The following PRKN variants were observed in gnomAD, a reference collection of about 807,000 sequenced individuals.
PRKN encodes the protein E3 ubiquitin-protein ligase parkin.
Under a neutral mutation model 59.5 loss-of-function variants are expected in PRKN, and 56 were observed. The observed-to-expected ratio is 0.94, with a 90% CI of 0.76 to 1.18. The LOEUF (loss-of-function observed/expected upper bound fraction) is 1.18, where lower values mean the gene tolerates loss of function less well. Ranked by LOEUF, PRKN falls within the 50% of genes most tolerant of loss-of-function variation. PRKN has a pLI of 0.00. For missense variants in PRKN, 657 were observed against 596.4 expected, an observed-to-expected ratio of 1.10 and a Z score of -1.06; for synonymous variants, 250 against 222.1, an observed-to-expected ratio of 1.13 and a Z score of -1.12.
chr6:161,439,758 A>T (rs1343625509), intron 9 of PRKN, among the ~76,000 whole-genome samples: 2 of 152,132 alleles, frequency 1.3e-5, no homozygotes, highest in Non-Finnish European at 2.9e-5. Flanking sequence ...TTAATTAAGA[A>T]AACAGATGAT....
At chr6:162,102,916 A>G (rs1365458233) in intron 4 of PRKN, among the ~76,000 whole-genome samples, 2 of 151,620 alleles carry the variant, frequency 1.3e-5, no homozygotes, top group African/African-American at 4.9e-5. Context: ...GGTGGCGGGC[A>G]CCTGTAATCC....
At chr6:161,532,882 T>C (rs1322107851) in intron 9 of PRKN, among the ~76,000 whole-genome samples, 1 of 152,232 alleles carries the variant, frequency 6.6e-6, no homozygotes, top group African/African-American at 2.4e-5. Context: ...CTACAAATCT[T>C]GTCACTTGCG....
At chr6:162,439,353 TCTC>T (rs1418164477) in intron 2 of PRKN, among the ~76,000 whole-genome samples, 1 of 147,110 alleles carries the variant, frequency 6.8e-6, no homozygotes, top group African/African-American at 2.5e-5. Flanking sequence ...TCTCTCTCTC[TCTC>T]TCTCTCTCTG....
At position 161,588,946 on chromosome 6, in the gene PRKN, G is replaced by A. The variant is rs191028308; in HGVS notation, c.872-19530C>T. 2.1e-3 allele frequency among the ~76,000 whole-genome samples: 324 copies of A among 152,144 alleles called. No individual in the cohort carries two copies. Among genetic ancestry groups the A allele is most frequent in the African/African-American group, 7.4e-3 (309 of 41,484 alleles). On this transcript the variant is annotated intron_variant, in intron 7 of 11. Coordinates refer to ENST00000366898, the MANE Select transcript of PRKN (RefSeq NM_004562.3). This position sits in a 1 kb window ranked among gnomAD's most constrained non-coding sequence, Gnocchi z 5.0. ...GTTAACCTGAAATGCAAATGTAACC[G>A]GTATCCTCTAGTTTATCTGGCAGCC...
At chr6:161,383,022 T>C (rs9458240) in intron 10 of PRKN, among the ~76,000 whole-genome samples, 16,257 of 152,164 alleles carry the variant, frequency 0.11, 1,033 homozygotes, top group Middle Eastern at 0.19. Context: ...CTGATGAGGG[T>C]ATTTAGTTAT....
chr6:162,153,181 C>T (rs747236613), intron 4 of PRKN, among the ~76,000 whole-genome samples: 8 of 152,240 alleles, frequency 5.3e-5, no homozygotes, highest in Non-Finnish European at 1.2e-4. Flanking sequence ...CCATGCTAAA[C>T]CCCTCACAGG....
chr6:162,234,072 G>A (rs927764114), intron 3 of PRKN, among the ~76,000 whole-genome samples: 1 of 152,178 alleles, frequency 6.6e-6, no homozygotes, highest in Non-Finnish European at 1.5e-5. Context: ...ATGAGGAAAA[G>A]AAAAAGATGC....
At chr6:162,313,028 G>A (rs1308218977) in intron 2 of PRKN, among the ~76,000 whole-genome samples, 1 of 151,960 alleles carries the variant, frequency 6.6e-6, no homozygotes, top group Non-Finnish European at 1.5e-5. Flanking sequence ...TATGCTCTCA[G>A]GCCAAAGAAA....
chr6:162,650,597 CAAAAAAAA>C (rs142452684), intron 1 of PRKN, among the ~76,000 whole-genome samples: 2 of 95,370 alleles, frequency 2.1e-5, no homozygotes, highest in Admixed American at 1.2e-4. Context: ...GACTCCGTCT[CAAAAAAAA>C]AAAAAAAAAA....
intron 2 of PRKN, among the ~76,000 whole-genome samples, chr6:162,318,374 C>G (rs1373934970): frequency 6.6e-6 from 1 of 151,982 alleles, no homozygotes; most frequent in African/African-American, 2.4e-5. Flanking sequence ...TTTTATTTAT[C>G]CACTTATTCA....
chr6:161,467,570 A>T lies in PRKN; in HGVS notation c.1084-80693T>A, dbSNP rs1283663218. ...GAGAAACATGCAGATTGCTATGGGA[A>T]TGCAGGTTGAGAGGTGCTGAGCCTA... On this transcript the variant is annotated intron_variant, in intron 9 of 11. Coordinates refer to ENST00000366898, the MANE Select transcript of PRKN (RefSeq NM_004562.3). The surrounding 1 kb of genome is among the most constrained non-coding windows in gnomAD (Gnocchi z 4.3). Among the ~76,000 whole-genome samples, 1 of 152,188 alleles carries T rather than the reference A, an allele frequency of 6.6e-6. No individual in the cohort carries two copies. The highest frequency in any genetic ancestry group is 1.5e-5 in the Non-Finnish European group (1 of 68,026).
intron 2 of PRKN, among the ~76,000 whole-genome samples, chr6:162,431,875 G>A (rs1171083027): frequency 3.9e-5 from 6 of 152,116 alleles, no homozygotes; most frequent in Non-Finnish European, 8.8e-5. Flanking sequence ...ATCAGTCCAA[G>A]ACTCCAAAGT....
chr6:161,927,698 T>C (rs1779018237), intron 6 of PRKN, among the ~76,000 whole-genome samples: 1 of 152,078 alleles, frequency 6.6e-6, no homozygotes, highest in East Asian at 1.9e-4. Context: ...TTGCTTGAAC[T>C]TGGGAGGCGG....
chr6:161,705,356 C>G (rs549187648), intron 7 of PRKN, among the ~76,000 whole-genome samples: 1 of 152,220 alleles, frequency 6.6e-6, no homozygotes, highest in Non-Finnish European at 1.5e-5. Context: ...TTTATAATAA[C>G]GTGTTGATTA....
chr6:162,349,402 G>A (rs1784533379), intron 2 of PRKN, among the ~76,000 whole-genome samples: 2 of 152,160 alleles, frequency 1.3e-5, no homozygotes, highest in Admixed American at 6.5e-5. Context: ...AGGAAGCAGA[G>A]GTTGCAGTGA....
intron 2 of PRKN, among the ~76,000 whole-genome samples, chr6:162,422,731 G>A (rs1024648383): frequency 6.6e-6 from 1 of 152,000 alleles, no homozygotes; most frequent in African/African-American, 2.4e-5. Flanking sequence ...GATTGCCTGA[G>A]CTCAGGAGTT....
intron 7 of PRKN, among the ~76,000 whole-genome samples, chr6:161,669,872 G>A (rs574640458): frequency 1.3e-5 from 2 of 152,368 alleles, no homozygotes; most frequent in South Asian, 4.1e-4. Context: ...CTGGAAAGCA[G>A]CAGCAGTGGG....
intron 9 of PRKN, among the ~76,000 whole-genome samples, chr6:161,540,786 T>G (rs180766052): frequency 3.3e-4 from 50 of 152,308 alleles, no homozygotes; most frequent in Admixed American, 3.3e-3. Context: ...CATCTTTGCA[T>G]AGTGAAAGTT....
At chr6:161,418,419 C>T (rs762196247) in intron 9 of PRKN, among the ~76,000 whole-genome samples, 3 of 152,192 alleles carry the variant, frequency 2.0e-5, no homozygotes, top group Non-Finnish European at 2.9e-5. Context: ...TGTCTATATT[C>T]ATGTATCGGC....
Sources: gnomAD v4.1 joint callset for allele counts (sites outside exome capture counted in the v4.1 genomes callset) on GRCh38, gnomAD v4.1.1 for gene constraint, Gnocchi (gnomAD v3.1) non-coding constraint, MANE v1.5 for transcripts, NCBI Gene and HGNC (gene_info 2026-07-23, HGNC 2026-07-21) for gene names.